The following ATP9B variants were observed in gnomAD, a reference collection of about 807,000 sequenced individuals.
ATP9B encodes the protein ATPase phospholipid transporting 9B.
In ATP9B, 110 loss-of-function variants were observed where a neutral mutation model predicts 146.1. The ratio of observed to expected loss-of-function variants is 0.75; its 90% CI spans 0.65 to 0.88. The LOEUF is 0.88. Ranked by LOEUF, ATP9B falls within the 40% of genes least tolerant of loss-of-function variation. The pLI is 0.00. For synonymous variants in ATP9B, 604 were observed against 569.7 expected, an observed-to-expected ratio of 1.06 and a Z score of -0.86; for missense variants, 1,499 against 1,496.4, an observed-to-expected ratio of 1.00 and a Z score of -0.03.
intron 11 of ATP9B, among the ~76,000 whole-genome samples, chr18:79,253,107 T>G (rs1018772345): frequency 2.6e-5 from 4 of 152,214 alleles, no homozygotes; most frequent in African/African-American, 9.6e-5. Context: ...CCTGAGCCGG[T>G]GACCAGCGCG....
intron 4 of ATP9B, among the ~76,000 whole-genome samples, chr18:79,117,001 T>A: frequency 6.9e-6 from 1 of 144,854 alleles, no homozygotes; most frequent in African/African-American, 2.6e-5. Flanking sequence ...CCATTATAAA[T>A]ATTTTAAAAA....
chr18:79,228,109 T>A (rs2095754450), intron 11 of ATP9B, among the ~76,000 whole-genome samples: 1 of 152,240 alleles, frequency 6.6e-6, no homozygotes, highest in South Asian at 2.1e-4. Context: ...CTTAAATCTT[T>A]AGCCCAAAAA....
chr18:79,376,110 G>C, intron 29 of ATP9B: 9 of 983,684 alleles, frequency 9.1e-6, no homozygotes, highest in Non-Finnish European at 1.1e-5. Context: ...TTGTGTTGCA[G>C]ATGGAACTGC....
chr18:79,092,730 A>G (rs577518321), intron 1 of ATP9B, among the ~76,000 whole-genome samples: 3 of 148,596 alleles, frequency 2.0e-5, no homozygotes, highest in East Asian at 2.0e-4. Flanking sequence ...CAATATCACT[A>G]TCTTCCACCT....
chr18:79,092,748 A>G (rs1175862493), intron 1 of ATP9B, among the ~76,000 whole-genome samples: 1 of 149,002 alleles, frequency 6.7e-6, no homozygotes, highest in Non-Finnish European at 1.5e-5. Context: ...CCTCCGCATT[A>G]TGTCACTGGG....
chr18:79,347,968 A>T, intron 24 of ATP9B, 43 bp downstream of exon 24: 2 of 1,605,304 alleles, frequency 1.2e-6, no homozygotes, highest in Non-Finnish European at 1.7e-6. Flanking sequence ...GGCAGGGTCC[A>T]GGAAGGGCAG....
intron 2 of ATP9B, among the ~76,000 whole-genome samples, chr18:79,106,211 C>T (rs932102173): frequency 6.6e-6 from 1 of 152,174 alleles, no homozygotes; most frequent in Non-Finnish European, 1.5e-5. Context: ...AATTTAGAAA[C>T]TATTTCGCGT....
intron 2 of ATP9B, among the ~76,000 whole-genome samples, chr18:79,099,742 A>AT (rs1348959101): frequency 2.6e-5 from 4 of 151,940 alleles, no homozygotes; most frequent in Non-Finnish European, 5.9e-5. Flanking sequence ...GATTACAGGC[A>AT]TGAGTCACCA....
At chr18:79,321,182 A>G (rs538292389) in intron 15 of ATP9B, among the ~76,000 whole-genome samples, 6 of 152,336 alleles carry the variant, frequency 3.9e-5, no homozygotes, top group Non-Finnish European at 7.3e-5. Context: ...CAGAGCATGA[A>G]TTAAGATATG....
At chr18:79,242,407 G>C (rs1906654137) in intron 11 of ATP9B, among the ~76,000 whole-genome samples, 1 of 152,200 alleles carries the variant, frequency 6.6e-6, no homozygotes, top group African/African-American at 2.4e-5. Context: ...AAACGAGAAA[G>C]ATGTGTATAT....
intron 21 of ATP9B, among the ~76,000 whole-genome samples, chr18:79,344,915 C>T (rs905305130): frequency 7.9e-5 from 12 of 152,314 alleles, no homozygotes; most frequent in African/African-American, 2.9e-4. Context: ...CGGTGGCCCC[C>T]GGCTGAGGGA....
intron 12 of ATP9B, among the ~76,000 whole-genome samples, chr18:79,269,578 G>C (rs745589669): frequency 2.0e-5 from 3 of 151,958 alleles, no homozygotes; most frequent in Non-Finnish European, 4.4e-5. Flanking sequence ...TTGTATTTTG[G>C]TCTTCTGGCT....
chr18:79,336,043 A>G (rs2667436), intron 17 of ATP9B, among the ~76,000 whole-genome samples: 1,816 of 34,218 alleles, frequency 0.053, 4 homozygotes, highest in African/African-American at 0.11. Flanking sequence ...TGCACCCTCC[A>G]TGCCCTCCCT....
chr18:79,257,461 G>A lies in ATP9B; in HGVS notation c.1268+3920G>A, dbSNP rs143858491. ...AGGGGATAGGCATAAGCATTTAAAC[G>A]AAACAGTTACATAGTGGTAAACACT... On this transcript the variant is annotated intron_variant, in intron 12 of 29. Transcript: ENST00000426216. Among the ~76,000 whole-genome samples the A allele has an allele frequency of 3.9e-4, 60 of 152,326 alleles. No homozygotes were observed. In the East Asian group the frequency reaches 9.6e-3, roughly 24 times the overall value.
At chr18:79,158,467 T>C (rs1188236474) in intron 7 of ATP9B, among the ~76,000 whole-genome samples, 2 of 151,992 alleles carry the variant, frequency 1.3e-5, no homozygotes, top group Non-Finnish European at 2.9e-5. Flanking sequence ...TAAATTTTGT[T>C]GTAGAGACAG....
chr18:79,222,489 C>T (rs2095689710), intron 11 of ATP9B, among the ~76,000 whole-genome samples: 1 of 152,224 alleles, frequency 6.6e-6, no homozygotes, highest in South Asian at 2.1e-4. Flanking sequence ...AGCAGCAGAG[C>T]TACCTGTATT....
intron 11 of ATP9B, among the ~76,000 whole-genome samples, chr18:79,235,169 G>T (rs2095829696): frequency 1.3e-5 from 2 of 152,192 alleles, no homozygotes; most frequent in African/African-American, 4.8e-5. Context: ...GAGCCACTGT[G>T]CCTGGCCTTA....
intron 10 of ATP9B, among the ~76,000 whole-genome samples, chr18:79,211,275 C>A (rs1260197041): frequency 6.6e-6 from 1 of 152,176 alleles, no homozygotes; most frequent in East Asian, 1.9e-4. Flanking sequence ...GCTTAAAATA[C>A]AACTGTAGTC....
intron 11 of ATP9B, among the ~76,000 whole-genome samples, chr18:79,218,564 G>A (rs2095650032): frequency 6.6e-6 from 1 of 151,678 alleles, no homozygotes; most frequent in Non-Finnish European, 1.5e-5. Flanking sequence ...CAGGCTGGCA[G>A]CTCCTGTTGG....
Sources: allele counts gnomAD v4.1 joint callset (sites outside exome capture counted in the v4.1 genomes callset), GRCh38; gene constraint gnomAD v4.1.1; transcripts MANE v1.5; gene names NCBI Gene and HGNC (gene_info 2026-07-23, HGNC 2026-07-21).